The following LYZL1 variants were observed in gnomAD, a reference collection of about 807,000 sequenced individuals.
LYZL1 encodes lysozyme like 1.
LYZL1 carries 16 observed loss-of-function variants against 17.9 expected under a neutral mutation model. The ratio of observed to expected loss-of-function variants is 0.90; its 90% CI spans 0.61 to 1.36. The LOEUF (loss-of-function observed/expected upper bound fraction) is 1.36. Ranked by LOEUF, LYZL1 falls within the 40% of genes most tolerant of loss-of-function variation. LYZL1 has a pLI of 0.00. For synonymous variants in LYZL1, 58 were observed against 71.8 expected (o/e 0.81, Z 0.97); for missense variants, 149 against 188.4 (o/e 0.79, Z 1.22).
At chr10:29,303,481 G>C (rs903391764) in intron 3 of LYZL1, among the ~76,000 whole-genome samples, 2 of 152,086 alleles carry the variant, frequency 1.3e-5, no homozygotes, top group African/African-American at 2.4e-5. Context: ...AGAAATCTGT[G>C]ACTCCATCGT....
chr10:29,317,859 G>A (rs940835111), intron 4 of LYZL1, among the ~76,000 whole-genome samples: 5 of 151,650 alleles, frequency 3.3e-5, no homozygotes, highest in Non-Finnish European at 7.4e-5. Flanking sequence ...TGGGAGGAGC[G>A]ATTGAGCCTG....
chr10:29,290,672 A>G (rs1325925652), intron 1 of LYZL1, among the ~76,000 whole-genome samples: 15 of 152,000 alleles, frequency 9.9e-5, no homozygotes, highest in African/African-American at 3.4e-4. Context: ...AACCTCATCT[A>G]TACTAGAAAC....
chr10:29,290,841 A>AAAATAAAT (rs147253753), intron 1 of LYZL1, among the ~76,000 whole-genome samples: 26,043 of 151,672 alleles, frequency 0.17, 2,352 homozygotes, highest in Middle Eastern at 0.25. Flanking sequence ...TCCATCTCAA[A>AAAATAAAT]AAATAAATAA....
rs1387091713 is a variant in LYZL1 at position 29,306,362 on chromosome 10, A to G, written c.299-3748A>G. The stretch of plus-strand genomic sequence containing the variant: ...TCAGGAGATCGAGACCATCCCGGCT[A>G]AAACGGTGAAACCCCGCCTCTACTA... On this transcript the variant is annotated intron_variant, in intron 3 of 4. Transcript: ENST00000649382. 2.0e-5 allele frequency among the ~76,000 whole-genome samples: 3 copies of G among 149,206 alleles called. 1 individual carries two copies. The highest frequency in any genetic ancestry group is 4.5e-5 in the Non-Finnish European group (3 of 67,140).
chr10:29,306,127 C>CT (rs1301032836), intron 3 of LYZL1, among the ~76,000 whole-genome samples: 3 of 152,186 alleles, frequency 2.0e-5, no homozygotes, highest in South Asian at 4.1e-4. Flanking sequence ...TAATGACTGT[C>CT]TTTTTTTTCT....
intron 3 of LYZL1, among the ~76,000 whole-genome samples, chr10:29,298,843 A>G (rs1260742377): frequency 6.6e-6 from 1 of 152,218 alleles, no homozygotes; most frequent in African/African-American, 2.4e-5. Flanking sequence ...CCAATTTTCC[A>G]TGAACCAGAG....
intron 3 of LYZL1, among the ~76,000 whole-genome samples, chr10:29,293,091 C>G (rs1751957): frequency 0.12 from 17,641 of 150,266 alleles, 1,139 homozygotes; most frequent in Non-Finnish European, 0.13. Context: ...TTTTCTTTTC[C>G]CTTTTTCTTT....
chr10:29,293,127 C>CTTTTTTTTTTTTTTTTTTTTTT lies in LYZL1; in HGVS notation c.298+456_298+457insTTTTTTTTTTTTTTTTTTTTTT, dbSNP rs778807136. ...TCTTTCTTTTTTTTTCTTTTCTTTT[C>CTTTTTTTTTTTTTTTTTTTTTT]TTTTTTCTTTTTTTTTTTTTTTTGA... On this transcript the variant is annotated intron_variant, in intron 3 of 4. Transcript: ENST00000649382. 4.0e-4 allele frequency among the ~76,000 whole-genome samples: 42 copies of CTTTTTTTTTTTTTTTTTTTTTT among 104,186 alleles called. 1 individual carries two copies. Among genetic ancestry groups the CTTTTTTTTTTTTTTTTTTTTTT allele is most frequent in the South Asian group, 6.5e-4 (2 of 3,060 alleles). 68.4% of individuals were successfully genotyped at this position (104,186 alleles called of 152,430 possible).
chr10:29,293,571 C>CT (rs1835406313), intron 3 of LYZL1, among the ~76,000 whole-genome samples: 1 of 152,160 alleles, frequency 6.6e-6, no homozygotes, highest in Non-Finnish European at 1.5e-5. Context: ...CTTTACCGAA[C>CT]TTTCATGTGA....
At chr10:29,315,574 C>T (rs75776054), downstream of LYZL1, among the ~76,000 whole-genome samples, 37 of 151,998 alleles carry the variant, frequency 2.4e-4, no homozygotes, top group East Asian at 6.2e-3. Context: ...TTTAAGGGCT[C>T]GGGTGCAGTG....
At chr10:29,313,173 A>G (rs1835692675), downstream of LYZL1, among the ~76,000 whole-genome samples, 1 of 152,230 alleles carries the variant, frequency 6.6e-6, no homozygotes, top group Non-Finnish European at 1.5e-5. Flanking sequence ...ACAATTTAAC[A>G]GGCATTATAA....
rs1266713519 is a variant in LYZL1, at chr10:29,292,741, C to G, written c.298+64C>G. 14 of 1,557,284 alleles carry G rather than the reference C, an allele frequency of 9.0e-6. 1 individual carries two copies. Among genetic ancestry groups the G allele is most frequent in the Admixed American group, 7.5e-5 (4 of 53,362 alleles). On this transcript the variant is annotated intron_variant, in intron 3 of 4. Transcript: ENST00000649382. ...TAGGCGAGAAAGCCGACAATGGGAT[C>G]ACCAACCATGTCTTGCTTTAACTAA...
chr10:29,291,667 A>C (rs1374870403), intron 1 of LYZL1, among the ~76,000 whole-genome samples, 176 bp from the exon 2 acceptor site: 1 of 151,992 alleles, frequency 6.6e-6, no homozygotes, highest in Non-Finnish European at 1.5e-5. Context: ...CATTAAGGAA[A>C]CAGCCTTCAG....
intron 3 of LYZL1, among the ~76,000 whole-genome samples, chr10:29,297,114 A>G (rs1181790164): frequency 6.6e-6 from 1 of 151,980 alleles, no homozygotes; most frequent in African/African-American, 2.4e-5. Flanking sequence ...GAAAAAGGAA[A>G]CATTCAGATA....
intron 3 of LYZL1, among the ~76,000 whole-genome samples, chr10:29,295,925 A>G (rs552574067): frequency 3.7e-4 from 57 of 152,226 alleles, no homozygotes; most frequent in Non-Finnish European, 4.4e-5. Flanking sequence ...AAGGAACTGA[A>G]CTCTGCCAAA....
At chr10:29,292,365 C>T (rs374022725) in intron 2 of LYZL1, among the ~76,000 whole-genome samples, 154 bp from the exon 3 acceptor site, 1 of 152,092 alleles carries the variant, frequency 6.6e-6, no homozygotes, top group South Asian at 2.1e-4. Flanking sequence ...ATGTGCCCCT[C>T]GTGTGCCCCC....
intron 3 of LYZL1, among the ~76,000 whole-genome samples, chr10:29,309,382 T>A (rs1157057744): frequency 6.6e-6 from 1 of 152,090 alleles, no homozygotes; most frequent in Non-Finnish European, 1.5e-5. Flanking sequence ...TGGATAAAAA[T>A]TTTTTAAGGC....
intron 3 of LYZL1, among the ~76,000 whole-genome samples, chr10:29,302,645 A>G (rs1835536531): frequency 6.6e-6 from 1 of 152,158 alleles, no homozygotes; most frequent in Non-Finnish European, 1.5e-5. Context: ...GTAAAGTCAA[A>G]ATGCGCATGT....
intron 3 of LYZL1, among the ~76,000 whole-genome samples, chr10:29,295,050 G>A (rs1011275143): frequency 9.9e-5 from 15 of 152,160 alleles, no homozygotes; most frequent in Admixed American, 1.3e-4. Flanking sequence ...AGATAAGGGG[G>A]AACTATTGTA....
Sources: allele counts gnomAD v4.1 joint callset (sites outside exome capture counted in the v4.1 genomes callset), GRCh38; gene constraint gnomAD v4.1.1; transcripts MANE v1.5; gene names NCBI Gene and HGNC (gene_info 2026-07-23, HGNC 2026-07-21).